RC3H2: variants seen among roughly 807,000 people sequenced by gnomAD.
RC3H2 encodes the protein roquin-2.
RC3H2 carries 31 observed loss-of-function variants against 133.3 expected under a neutral mutation model. The ratio of observed to expected loss-of-function variants is 0.23; its 90% CI spans 0.17 to 0.31. The LOEUF is 0.31. RC3H2 is among the 10% of genes least tolerant of loss of function. The pLI, the probability that RC3H2 is intolerant of heterozygous loss-of-function variation, is 1.00. For synonymous variants in RC3H2, 517 were observed against 502.2 expected (o/e 1.03, Z -0.40); for missense variants, 1,175 against 1,437.2 (o/e 0.82, Z 2.95).
In RC3H2 at chr9:122,846,257, A is replaced by G. The variant is rs1234742428; in HGVS notation, c.*3370T>C. On this transcript the variant is annotated 3_prime_UTR_variant, in exon 21 of 21. Transcript: ENST00000357244. ...AAATGGAAAATTTCAGTTCTTGTATAGGAAATTTCTTTTATTATCCTCTTA... is the reference window on the plus strand; with the variant it reads ...AAATGGAAAATTTCAGTTCTTGTATGGGAAATTTCTTTTATTATCCTCTTA... The G allele has an allele frequency of 6.6e-6, 1 of 152,196 alleles. No individual in the cohort carries two copies. The highest frequency in any genetic ancestry group is 6.5e-5 in the Admixed American group (1 of 15,268). 9.4% of individuals were successfully genotyped at this position (152,196 alleles called of 1,614,324 possible). A position where few individuals can be genotyped will look rare whatever the true frequency, so the allele number is the denominator to read the frequency against.
rs1418796887 is a variant in RC3H2 at position 122,867,752 on chromosome 9, C to A, written c.1326-2095G>T. The stretch of plus-strand genomic sequence containing the variant: ...GAGGTGAGGAGCGTCTCTGCCCAGC[C>A]GCCCCGTCTGAGAAGGGAGGAGACC... On this transcript the variant is annotated intron_variant, in intron 9 of 20. Coordinates refer to ENST00000357244, the MANE Select transcript of RC3H2 (RefSeq NM_001100588.3). Among the ~76,000 whole-genome samples, 104 of 102,132 alleles carry A rather than the reference C, an allele frequency of 1.0e-3. 1 individual carries two copies. The highest frequency in any genetic ancestry group is 3.2e-3 in the African/African-American group (84 of 26,076). The allele number at this position is 102,132 out of a possible 152,430, so 67.0% of individuals were successfully genotyped here.
intron 4 of RC3H2, 143 bp downstream of exon 4, chr9:122,890,169 C>A: frequency 1.4e-6 from 1 of 698,616 alleles, no homozygotes; most frequent in South Asian, 1.7e-5. Context: ...ATAACAACAA[C>A]AACAAAAACA....
chr9:122,886,509 G>C (rs1831919685), intron 4 of RC3H2, among the ~76,000 whole-genome samples: 1 of 152,130 alleles, frequency 6.6e-6, no homozygotes, highest in Non-Finnish European at 1.5e-5. Context: ...CATTTTACGT[G>C]CCCACATTCT....
At chr9:122,879,196 G>C (rs1831484766) in intron 8 of RC3H2, among the ~76,000 whole-genome samples, 1 of 151,766 alleles carries the variant, frequency 6.6e-6, no homozygotes, top group African/African-American at 2.4e-5. Flanking sequence ...AGGAGTTTGA[G>C]ACCAGCCTGG....
intron 9 of RC3H2, among the ~76,000 whole-genome samples, chr9:122,875,837 C>T (rs1453235980): frequency 2.0e-5 from 3 of 152,136 alleles, no homozygotes; most frequent in African/African-American, 7.2e-5. Flanking sequence ...ATCAGAAAGG[C>T]AGACACAGAT....
At chr9:122,893,226 G>C (rs1564317730) in intron 2 of RC3H2, among the ~76,000 whole-genome samples, 200 bp from the exon 3 acceptor site, 1 of 152,116 alleles carries the variant, frequency 6.6e-6, no homozygotes, top group Non-Finnish European at 1.5e-5. Context: ...GGGCATGGTG[G>C]CTCATGCCCG....
In RC3H2 at chr9:122,894,512, G is replaced by T. The variant is rs201218160; in HGVS notation, c.232-1486C>A. Among the ~76,000 whole-genome samples, 7 of 152,224 alleles carry T rather than the reference G, an allele frequency of 4.6e-5. No individual in the cohort carries two copies. The East Asian group carries it at 1.3e-3, about 29-fold the overall frequency. Reference sequence around the variant, plus strand: ...GATAAGGGGGACTGGAAATACTAGCGAGGGGTTACAAATTTAATTAGGGTG... The same window carrying T: ...GATAAGGGGGACTGGAAATACTAGCTAGGGGTTACAAATTTAATTAGGGTG... On this transcript the variant is annotated intron_variant, in intron 2 of 20. Coordinates refer to ENST00000357244, the MANE Select transcript of RC3H2 (RefSeq NM_001100588.3).
At chr9:122,903,313 G>A (rs1004346091) in intron 1 of RC3H2, among the ~76,000 whole-genome samples, 5 of 152,032 alleles carry the variant, frequency 3.3e-5, no homozygotes, top group Non-Finnish European at 5.9e-5. Flanking sequence ...ACTTCAACAC[G>A]GTACAAACTA....
rs1830901636 is a variant in RC3H2, at chr9:122,868,864, T to A, written c.1326-3207A>T. ...ATGTGTGTGTGTGTGTGTGTGTGTG[T>A]GTGTGTGTGTGTGTGTGTGTGTGTG... is the stretch of plus-strand genomic sequence containing the variant. On this transcript the variant is annotated intron_variant, in intron 9 of 20. Transcript: ENST00000357244. Among the ~76,000 whole-genome samples the A allele has an allele frequency of 3.0e-5, 2 of 66,294 alleles. 1 individual carries two copies. Among genetic ancestry groups the A allele is most frequent in the East Asian group, 5.1e-4 (2 of 3,936 alleles). 43.5% of individuals were successfully genotyped at this position (66,294 alleles called of 152,430 possible). A position where few individuals can be genotyped will look rare whatever the true frequency, so the allele number is the denominator to read the frequency against.
intron 5 of RC3H2, among the ~76,000 whole-genome samples, chr9:122,882,695 A>G (rs1371097437): frequency 1.3e-5 from 2 of 152,214 alleles, no homozygotes; most frequent in Non-Finnish European, 2.9e-5. Flanking sequence ...CCTTTCCACT[A>G]AACAAAAAAC....
At chr9:122,899,853 G>A (rs753820122) in intron 1 of RC3H2, among the ~76,000 whole-genome samples, 21 of 152,192 alleles carry the variant, frequency 1.4e-4, no homozygotes, top group Non-Finnish European at 2.6e-4. Context: ...ATGGCCACCT[G>A]TTTGGAAATG....
chr9:122,870,397 CAAACAAACAAACAAACAAA>C (rs1249621266), intron 9 of RC3H2, among the ~76,000 whole-genome samples: 4 of 130,320 alleles, frequency 3.1e-5, no homozygotes, highest in East Asian at 4.2e-4. Flanking sequence ...AACAAACAAA[CAAACAAACAAACAAACAAA>C]AAAAAAACAA....
chr9:122,844,759 T>C lies in RC3H2; in HGVS notation c.*4868A>G, dbSNP rs976394905. ...CTATTCACTATCATCACAACCCTCA[T>C]TGTTCCATCTCTGCCCTCCCCCCAT... On this transcript the variant is annotated 3_prime_UTR_variant, in exon 21 of 21. Transcript: ENST00000357244. 6.6e-6 allele frequency: 1 copy of C among 152,140 alleles called. No individual in the cohort carries two copies. Among genetic ancestry groups the C allele is most frequent in the Non-Finnish European group, 1.5e-5 (1 of 68,020 alleles). The allele number at this position is 152,140 out of a possible 1,614,324, so 9.4% of individuals were successfully genotyped here.
At chr9:122,860,755 T>TA (rs879691394) in intron 10 of RC3H2, among the ~76,000 whole-genome samples, 33 of 141,188 alleles carry the variant, frequency 2.3e-4, no homozygotes, top group Admixed American at 5.0e-4. Flanking sequence ...TACTGAAGGT[T>TA]AAAAAAAAAA....
chr9:122,895,064 T>C (rs1025580599), intron 2 of RC3H2, among the ~76,000 whole-genome samples: 2 of 152,002 alleles, frequency 1.3e-5, no homozygotes, highest in African/African-American at 4.8e-5. Context: ...TGTAAAGACC[T>C]GTAGGCAATT....
chr9:122,859,186 A>G, intron 11 of RC3H2, 84 bp from the exon 12 acceptor site: 1 of 1,097,950 alleles, frequency 9.1e-7, no homozygotes, highest in South Asian at 1.8e-5. Flanking sequence ...GGCAGCCCTT[A>G]ATGTAGGAAA....
At chr9:122,862,891 C>CA (rs1168612532) in intron 10 of RC3H2, among the ~76,000 whole-genome samples, 2,285 of 45,904 alleles carry the variant, frequency 0.05, 34 homozygotes, top group East Asian at 0.12. Flanking sequence ...GACTCCATCT[C>CA]AAAAAAAAAA....
intron 18 of RC3H2, 40 bp from the exon 19 acceptor site, chr9:122,851,476 C>T (rs776891338): frequency 1.3e-5 from 20 of 1,593,680 alleles, no homozygotes; most frequent in Non-Finnish European, 1.7e-5. Flanking sequence ...CTCCCTCTCC[C>T]TCTCCCCATG....
intron 9 of RC3H2, among the ~76,000 whole-genome samples, chr9:122,876,627 C>CAAA (rs1167765000): frequency 1.1e-5 from 1 of 94,622 alleles, no homozygotes. Context: ...GACTCCACCT[C>CAAA]AAAAAAAAAA....
Sources: gnomAD v4.1 joint callset for allele counts (sites outside exome capture counted in the v4.1 genomes callset) on GRCh38, gnomAD v4.1.1 for gene constraint, MANE v1.5 for transcripts, NCBI Gene and HGNC (gene_info 2026-07-23, HGNC 2026-07-21) for gene names.